The following CRIM1 variants were observed in gnomAD, a reference collection of about 807,000 sequenced individuals.
CRIM1 encodes the protein cysteine rich transmembrane BMP regulator 1, also known as cysteine-rich motor neuron 1 protein.
A neutral mutation model predicts 116.4 loss-of-function variants in CRIM1; 32 were observed. That is an observed-to-expected ratio of 0.27 (90% confidence interval 0.21 to 0.37). The LOEUF (loss-of-function observed/expected upper bound fraction) is 0.37. CRIM1 is among the 10% of genes least tolerant of loss of function. The probability of loss-of-function intolerance (pLI) is 1.00; values close to 1 mark genes in which losing one functional copy is unlikely to be tolerated. For missense variants in CRIM1, 1,331 were observed against 1,354.8 expected, an observed-to-expected ratio of 0.98 and a Z score of 0.28; for synonymous variants, 590 against 509.2, an observed-to-expected ratio of 1.16 and a Z score of -2.13.
At chr2:36,397,630 A>G (rs796632073) in intron 2 of CRIM1, among the ~76,000 whole-genome samples, 3 of 152,306 alleles carry the variant, frequency 2.0e-5, no homozygotes, top group African/African-American at 7.2e-5. Flanking sequence ...GATTGGTAAT[A>G]TAATACCAAG....
chr2:36,407,546 A>G lies in CRIM1; in HGVS notation c.505+10759A>G, dbSNP rs560046023. ...AAAGGGTTACCAAAAGGCAGAAACC[A>G]GTTTCAAATTATCTGGGAAATAAAA... is the stretch of plus-strand genomic sequence containing the variant. On this transcript the variant is annotated intron_variant, in intron 2 of 16. Transcript: ENST00000280527. Among the ~76,000 whole-genome samples the G allele has an allele frequency of 2.6e-5, 4 of 152,324 alleles. No individual in the cohort carries two copies. The South Asian group carries it at 8.3e-4, about 32-fold the overall frequency.
chr2:36,434,757 A>G (rs1675167734), intron 2 of CRIM1, among the ~76,000 whole-genome samples: 1 of 152,184 alleles, frequency 6.6e-6, no homozygotes, highest in Non-Finnish European at 1.5e-5. Context: ...TATTAATTGT[A>G]TCAGTTTAGA....
chr2:36,500,062 C>G (rs1480810085), intron 8 of CRIM1, among the ~76,000 whole-genome samples: 6 of 152,064 alleles, frequency 3.9e-5, no homozygotes, highest in Admixed American at 1.3e-4. Context: ...CATGGTGGCT[C>G]ACGCTTATAA....
At chr2:36,491,422 G>A (rs966145372) in intron 7 of CRIM1, among the ~76,000 whole-genome samples, 36 of 152,170 alleles carry the variant, frequency 2.4e-4, no homozygotes, top group African/African-American at 8.4e-4. Context: ...CTCATTTATT[G>A]TGTACCTCCT....
chr2:36,449,211 C>T (rs1011882251), intron 4 of CRIM1, among the ~76,000 whole-genome samples: 7 of 152,240 alleles, frequency 4.6e-5, no homozygotes, highest in African/African-American at 1.7e-4. Context: ...TCACAGAGCT[C>T]AACACAGGAG....
chr2:36,356,373 G>A lies in CRIM1; in HGVS notation c.81G>A (p.Leu27=), dbSNP rs946337710. Residue 27 remains leucine (L), a synonymous_variant, in exon 1 of 17, where the codon CTG becomes CTA. Coordinates refer to ENST00000280527, the MANE Select transcript of CRIM1 (RefSeq NM_016441.3). This position sits in a 1 kb window ranked among gnomAD's most constrained non-coding sequence, Gnocchi z 4.3. ...LVSLLGLLLL[L]ARSGTRALVC... ...CGCTGCTGGGGCTGCTGCTGCTGCT[G>A]GCGCGCTCCGGCACCCGGGCGCTGG... The A allele has an allele frequency of 5.0e-6, 8 of 1,596,190 alleles. No homozygotes were observed. In the African/African-American group the frequency reaches 5.4e-5, roughly 11 times the overall value.
At chr2:36,472,118 C>CA (rs780460187) in intron 5 of CRIM1, among the ~76,000 whole-genome samples, 4 of 152,132 alleles carry the variant, frequency 2.6e-5, no homozygotes, top group Admixed American at 6.5e-5. Flanking sequence ...AAAACACATA[C>CA]AAAAAATCAC....
chr2:36,358,593 T>C (rs1669011578), intron 1 of CRIM1, among the ~76,000 whole-genome samples: 1 of 152,210 alleles, frequency 6.6e-6, no homozygotes, highest in Non-Finnish European at 1.5e-5. Context: ...TCTGAAATGA[T>C]GTGATCCCTC....
intron 4 of CRIM1, among the ~76,000 whole-genome samples, chr2:36,463,265 C>G (rs1445689606): frequency 6.6e-6 from 1 of 152,144 alleles, no homozygotes; most frequent in East Asian, 1.9e-4. Flanking sequence ...CTCTGGGCCT[C>G]ATTATTGAAG....
Position 36,516,180 on chromosome 2 carries a change from C to G in CRIM1, c.1991-1147C>G, listed in dbSNP as rs1665019861. Among the ~76,000 whole-genome samples, 4 of 152,306 alleles carry G rather than the reference C, an allele frequency of 2.6e-5. No individual in the cohort carries two copies. The South Asian group carries it at 8.3e-4, about 32-fold the overall frequency. On this transcript the variant is annotated intron_variant, in intron 11 of 16. Transcript: ENST00000280527. ...CACTTAATTTCATTAGTATTGTTGA[C>G]TCTCATGCTAACCACCACTTTGAAA...
intron 7 of CRIM1, among the ~76,000 whole-genome samples, chr2:36,489,043 T>A (rs1680041349): frequency 6.6e-6 from 1 of 152,194 alleles, no homozygotes; most frequent in Admixed American, 6.5e-5. Flanking sequence ...TTTACCTGGA[T>A]CCCCATTTCC....
rs1472621359 is a variant in CRIM1, at chr2:36,464,752, G to A, written c.991+97G>A. The A allele has an allele frequency of 4.4e-5, 64 of 1,456,680 alleles. No individual in the cohort carries two copies. In the East Asian group the frequency reaches 1.1e-3, roughly 25 times the overall value. The allele number at this position is 1,456,680 out of a possible 1,614,324, so 90.2% of individuals were successfully genotyped here. On this transcript the variant is annotated intron_variant, in intron 5 of 16. Coordinates refer to ENST00000280527, the MANE Select transcript of CRIM1 (RefSeq NM_016441.3). ...GCTGCTTCTGCCTTTTACAAAGCAGGGATTACCTTCAGGGGCTTGCTGAAG... is the reference window on the plus strand; with the variant it reads ...GCTGCTTCTGCCTTTTACAAAGCAGAGATTACCTTCAGGGGCTTGCTGAAG...
At chr2:36,380,087 C>G (rs1331993559) in intron 1 of CRIM1, among the ~76,000 whole-genome samples, 1 of 152,158 alleles carries the variant, frequency 6.6e-6, no homozygotes, top group Non-Finnish European at 1.5e-5. Flanking sequence ...CTCCTCTTCA[C>G]TTATTCCTTC....
At chr2:36,464,726 A>G in intron 5 of CRIM1, 71 bp downstream of exon 5, 2 of 1,567,940 alleles carry the variant, frequency 1.3e-6, no homozygotes, top group East Asian at 2.3e-5. Context: ...GGTTCAACTT[A>G]GCTGCTTCTG....
intron 5 of CRIM1, among the ~76,000 whole-genome samples, chr2:36,468,879 CACAA>C (rs1426802261): frequency 6.6e-6 from 1 of 152,182 alleles, no homozygotes; most frequent in Non-Finnish European, 1.5e-5. Flanking sequence ...AACGTATATA[CACAA>C]ACATCTAGAT....
intron 13 of CRIM1, among the ~76,000 whole-genome samples, chr2:36,534,586 A>G (rs374841606): frequency 2.5e-5 from 3 of 122,440 alleles, no homozygotes; most frequent in Non-Finnish European, 3.4e-5. Flanking sequence ...AGGAAGGGAG[A>G]GACAGGAAGA....
chr2:36,523,710 C>T (rs1665570274), intron 13 of CRIM1, among the ~76,000 whole-genome samples: 1 of 152,194 alleles, frequency 6.6e-6, no homozygotes, highest in African/African-American at 2.4e-5. Context: ...GTTTTCTAAA[C>T]ACAAGTCATT....
chr2:36,488,016 G>A (rs1679959158), intron 7 of CRIM1, among the ~76,000 whole-genome samples: 1 of 152,048 alleles, frequency 6.6e-6, no homozygotes, highest in African/African-American at 2.4e-5. Flanking sequence ...TAGTATTTTA[G>A]TTATCCAATT....
At chr2:36,365,099 G>A (rs1456338085) in intron 1 of CRIM1, among the ~76,000 whole-genome samples, 3 of 152,070 alleles carry the variant, frequency 2.0e-5, no homozygotes, top group Non-Finnish European at 4.4e-5. Flanking sequence ...GTGAAGTACC[G>A]AGAACAGGGG....
Sources: allele counts gnomAD v4.1 joint callset (sites outside exome capture counted in the v4.1 genomes callset), GRCh38; gene constraint gnomAD v4.1.1; non-coding constraint Gnocchi (gnomAD v3.1); transcripts MANE v1.5; gene names NCBI Gene and HGNC (gene_info 2026-07-23, HGNC 2026-07-21).